Variants in ZNRF3 observed in about 807,000 individuals in gnomAD.
ZNRF3 encodes the protein E3 ubiquitin-protein ligase ZNRF3.
Under a neutral mutation model 72.5 loss-of-function variants are expected in ZNRF3, and 23 were observed. That is an observed-to-expected ratio of 0.32 (90% CI 0.23 to 0.45). ZNRF3 has a LOEUF of 0.45. Ranked by LOEUF, ZNRF3 falls within the 20% of genes least tolerant of loss-of-function variation. The pLI, the probability that ZNRF3 is intolerant of heterozygous loss-of-function variation, is 1.00. For missense variants in ZNRF3, 1,169 were observed against 1,272.1 expected, an observed-to-expected ratio of 0.92 and a Z score of 1.23; for synonymous variants, 610 against 545.3, an observed-to-expected ratio of 1.12 and a Z score of -1.65.
intron 1 of ZNRF3, among the ~76,000 whole-genome samples, chr22:28,908,334 G>T (rs1332692700): frequency 6.6e-6 from 1 of 152,160 alleles, no homozygotes; most frequent in Non-Finnish European, 1.5e-5. Context: ...AGTCTTGGTG[G>T]CCTCCTTTTG....
intron 1 of ZNRF3, among the ~76,000 whole-genome samples, chr22:28,968,607 G>T (rs1455437851): frequency 6.6e-6 from 1 of 152,196 alleles, no homozygotes; most frequent in Non-Finnish European, 1.5e-5. Context: ...GACTTGGGAG[G>T]CTGAGGCAGG....
At chr22:28,888,212 G>A (rs150551775) in intron 1 of ZNRF3, among the ~76,000 whole-genome samples, 1,781 of 152,282 alleles carry the variant, frequency 0.012, 20 homozygotes, top group Middle Eastern at 0.044. Flanking sequence ...TTAAATATCC[G>A]ATGTTAAGTA....
intron 2 of ZNRF3, among the ~76,000 whole-genome samples, chr22:28,988,348 G>A (rs2035892514): frequency 6.6e-6 from 1 of 152,172 alleles, no homozygotes; most frequent in African/African-American, 2.4e-5. Flanking sequence ...TTTTGAAGCA[G>A]GGTGCTAGAG....
intron 1 of ZNRF3, among the ~76,000 whole-genome samples, chr22:28,934,902 G>T (rs967473895): frequency 1.3e-5 from 2 of 151,738 alleles, no homozygotes; most frequent in African/African-American, 4.8e-5. Flanking sequence ...ACTGGGACCA[G>T]CTGGGTTTCC....
At chr22:28,973,953 C>CTTTTTTT (rs553300044) in intron 1 of ZNRF3, among the ~76,000 whole-genome samples, 2 of 111,474 alleles carry the variant, frequency 1.8e-5, no homozygotes, top group Non-Finnish European at 1.8e-5. Flanking sequence ...CTCTCTCTCT[C>CTTTTTTT]TTTTTTTTTT....
intron 1 of ZNRF3, among the ~76,000 whole-genome samples, chr22:28,902,911 T>C (rs1424177401): frequency 6.6e-6 from 1 of 152,188 alleles, no homozygotes; most frequent in Non-Finnish European, 1.5e-5. Context: ...TATTCTAAAA[T>C]GGTAGCTTAT....
rs1411516850 is a variant in ZNRF3, at chr22:28,883,609, C to A, written c.-158C>A. ...CGTGGAGCAGATGAAAGGGCCGCGG[C>A]GCGACGGCCGGGGGAGCCGAGCTGA... On this transcript the variant is annotated 5_prime_UTR_variant, in exon 1 of 9. Coordinates refer to ENST00000544604, the MANE Select transcript of ZNRF3 (RefSeq NM_001206998.2). This position sits in a 1 kb window ranked among gnomAD's most constrained non-coding sequence, Gnocchi z 5.5. 8.3e-6 allele frequency: 6 copies of A among 721,812 alleles called. No individual in the cohort carries two copies. Among genetic ancestry groups the A allele is most frequent in the Non-Finnish European group, 1.0e-5 (6 of 589,438 alleles). 44.7% of individuals were successfully genotyped at this position (721,812 alleles called of 1,614,324 possible).
In ZNRF3 at chr22:28,927,459, A is replaced by G. The variant is rs553095177; in HGVS notation, c.300+43393A>G. On this transcript the variant is annotated intron_variant, in intron 1 of 8. Coordinates refer to ENST00000544604, the MANE Select transcript of ZNRF3 (RefSeq NM_001206998.2). Reference sequence around the variant, plus strand: ...GGAAGCCCAGAAAAATTTGATTTATATATTAAATGAGCATGTTTTGCAAAG... The same window carrying G: ...GGAAGCCCAGAAAAATTTGATTTATGTATTAAATGAGCATGTTTTGCAAAG... 7.2e-5 allele frequency among the ~76,000 whole-genome samples: 11 copies of G among 152,326 alleles called. No homozygotes were observed. The South Asian group carries it at 1.9e-3, about 26-fold the overall frequency.
At chr22:28,991,462 G>T (rs1416058269) in intron 2 of ZNRF3, among the ~76,000 whole-genome samples, 1 of 152,048 alleles carries the variant, frequency 6.6e-6, no homozygotes, top group Non-Finnish European at 1.5e-5. Context: ...ACTTCATTCA[G>T]TTCTCGGTGC....
chr22:28,937,201 ATATATATATATATATTTTTTT>A lies in ZNRF3; in HGVS notation c.301-49873_301-49853del, dbSNP rs1164195038. Among the ~76,000 whole-genome samples, 48 of 4,416 alleles carry A rather than the reference ATATATATATATATATTTTTTT, an allele frequency of 0.011. 2 individuals carry two copies. In the South Asian group the frequency reaches 0.17, roughly 15 times the overall value. 2.9% of individuals were successfully genotyped at this position (4,416 alleles called of 152,430 possible). The stretch of plus-strand genomic sequence containing the variant: ...TATATATATATATATATATATATAT[ATATATATATATATATTTTTTT>A]TTTTTTTTTTTTTTTTAACAAAAGG... On this transcript the variant is annotated intron_variant, in intron 1 of 8. Transcript: ENST00000544604.
chr22:28,955,951 G>A (rs543267936), intron 1 of ZNRF3, among the ~76,000 whole-genome samples: 3 of 152,154 alleles, frequency 2.0e-5, no homozygotes, highest in African/African-American at 7.2e-5. Context: ...CCATCTTCTC[G>A]TTTGCCTCAC....
intron 1 of ZNRF3, among the ~76,000 whole-genome samples, chr22:28,910,190 C>T (rs2034291131): frequency 6.6e-6 from 1 of 152,108 alleles, no homozygotes; most frequent in African/African-American, 2.4e-5. Context: ...TGCCCACCAC[C>T]ACAACCGGCT....
chr22:28,908,455 C>G lies in ZNRF3; in HGVS notation c.300+24389C>G, dbSNP rs571705856. On this transcript the variant is annotated intron_variant, in intron 1 of 8. Transcript: ENST00000544604. Reference sequence around the variant, plus strand: ...GCAAGTCTCTTTTGGTGGGGATATGCGAGAGTCACTAACTAGCAACCTTTA... The same window carrying G: ...GCAAGTCTCTTTTGGTGGGGATATGGGAGAGTCACTAACTAGCAACCTTTA... Among the ~76,000 whole-genome samples the G allele has an allele frequency of 2.6e-5, 4 of 152,146 alleles. No individual in the cohort carries two copies. The East Asian group carries it at 7.7e-4, about 29-fold the overall frequency.
chr22:28,921,598 C>T (rs1308353912), intron 1 of ZNRF3, among the ~76,000 whole-genome samples: 4 of 152,206 alleles, frequency 2.6e-5, no homozygotes, highest in Non-Finnish European at 1.5e-5. Flanking sequence ...GGTCTGGCAA[C>T]TCATTTGACA....
chr22:29,019,917 T>C (rs2036499581), intron 2 of ZNRF3, among the ~76,000 whole-genome samples: 1 of 152,044 alleles, frequency 6.6e-6, no homozygotes, highest in South Asian at 2.1e-4. Flanking sequence ...CATTAGCAAG[T>C]ATGCACCCCA....
chr22:28,958,094 A>C (rs2123801023), intron 1 of ZNRF3, among the ~76,000 whole-genome samples: 1 of 152,286 alleles, frequency 6.6e-6, no homozygotes, highest in Admixed American at 6.5e-5. Context: ...AGGCTGAGGC[A>C]GGAGAATGGC....
At position 28,948,134 on chromosome 22, in the gene ZNRF3, C is replaced by T. The variant is rs866917847; in HGVS notation, c.301-38942C>T. ...CTGGGATTACAGGTGTGAGCCACTG[C>T]GCCTGGCTACAAATAACGTTTTTTA... On this transcript the variant is annotated intron_variant, in intron 1 of 8. Coordinates refer to ENST00000544604, the MANE Select transcript of ZNRF3 (RefSeq NM_001206998.2). Among the ~76,000 whole-genome samples the T allele has an allele frequency of 1.0e-4, 15 of 145,424 alleles. No homozygotes were observed. In the Middle Eastern group the frequency reaches 0.015, roughly 144 times the overall value.
intron 2 of ZNRF3, among the ~76,000 whole-genome samples, chr22:28,994,913 A>G (rs2036022314): frequency 6.6e-6 from 1 of 152,240 alleles, no homozygotes; most frequent in African/African-American, 2.4e-5. Flanking sequence ...GGGGCAAAGC[A>G]AACCCGCATC....
At chr22:29,038,204 T>A (rs2036898617) in intron 2 of ZNRF3, among the ~76,000 whole-genome samples, 1 of 152,150 alleles carries the variant, frequency 6.6e-6, no homozygotes. Flanking sequence ...TTTGAAATAA[T>A]ATTCTGGTCT....
Sources: gnomAD v4.1 joint callset for allele counts (sites outside exome capture counted in the v4.1 genomes callset) on GRCh38, gnomAD v4.1.1 for gene constraint, Gnocchi (gnomAD v3.1) non-coding constraint, MANE v1.5 for transcripts, NCBI Gene and HGNC (gene_info 2026-07-23, HGNC 2026-07-21) for gene names.